USP36: variants seen among roughly 807,000 people sequenced by gnomAD.
USP36 encodes ubiquitin specific peptidase 36.
USP36 carries 59 observed loss-of-function variants against 111.5 expected under a neutral mutation model. That is an observed-to-expected ratio of 0.53 (90% CI 0.43 to 0.66). USP36 has a LOEUF of 0.66. Ranked by LOEUF, USP36 falls within the 30% of genes least tolerant of loss-of-function variation. The pLI is 0.00. For missense variants in USP36, 1,488 were observed against 1,468.0 expected, an observed-to-expected ratio of 1.01 and a Z score of -0.22; for synonymous variants, 628 against 581.0, an observed-to-expected ratio of 1.08 and a Z score of -1.16.
Position 78,806,173 on chromosome 17 carries a change from C to T in USP36, c.2199G>A (p.Trp733Ter). ...KTSHPVVAST[W>*]PVHRARAVSP... Reference sequence around the variant, plus strand: ...AAGCTTACCTGGCTCTATGGACGGGCCAAGTGGAGGCAACGACGGGGTGAG... The same window carrying T: ...AAGCTTACCTGGCTCTATGGACGGGTCAAGTGGAGGCAACGACGGGGTGAG... Residue 733 changes from tryptophan (W) to a stop codon, truncating the protein, a stop_gained, in exon 15 of 21, where the codon TGG becomes TGA. Coordinates refer to ENST00000449938, the MANE Select transcript of USP36 (RefSeq NM_001385174.1). LOFTEE classifies it high-confidence loss of function. 1 of 1,613,436 alleles carries T rather than the reference C, an allele frequency of 6.2e-7. No individual in the cohort carries two copies. The highest frequency in any genetic ancestry group is 8.5e-7 in the Non-Finnish European group (1 of 1,179,914).
At chr17:78,814,712 G>C (rs890100853) in intron 10 of USP36, among the ~76,000 whole-genome samples, 160 bp from the exon 11 acceptor site, 7 of 152,276 alleles carry the variant, frequency 4.6e-5, no homozygotes, top group African/African-American at 1.7e-4. Flanking sequence ...CAGCACTTTG[G>C]GAGGCTGAGG....
At chr17:78,823,054 T>A (rs909117570) in intron 6 of USP36, 12 of 398,228 alleles carry the variant, frequency 3.0e-5, no homozygotes, top group African/African-American at 2.5e-4. Flanking sequence ...CAGGCTACAC[T>A]TCCCCTCCCA....
At chr17:78,833,624 C>T (rs2068361242) in intron 4 of USP36, among the ~76,000 whole-genome samples, 1 of 152,200 alleles carries the variant, frequency 6.6e-6, no homozygotes, top group Non-Finnish European at 1.5e-5. Flanking sequence ...GAAGCAAACC[C>T]TACAGGCCAG....
intron 17 of USP36, 31 bp downstream of exon 17, chr17:78,802,293 T>C (rs1197627032): frequency 8.0e-7 from 1 of 1,256,192 alleles, no homozygotes; most frequent in Non-Finnish European, 1.0e-6. Context: ...TGCACACCCA[T>C]GCGGTTCCCA....
In USP36 at chr17:78,836,213, A is replaced by G. The variant is rs2068652616; in HGVS notation, c.151T>C (p.Tyr51His). ...TTGCTCTTTAAGGCCTCCAGCTGGTAGGAGAAGCTCTTGCTGGCTGGCTCG... is the reference window on the plus strand; with the variant it reads ...TTGCTCTTTAAGGCCTCCAGCTGGTGGGAGAAGCTCTTGCTGGCTGGCTCG... Reference protein sequence around the residue: ...EFEPASKSFSYQLEALKSKYV... With the variant: ...EFEPASKSFSHQLEALKSKYV... Residue 51 changes from tyrosine (Y) to histidine (H), a missense_variant, in exon 3 of 21, where the codon TAC becomes CAC. This residue lies in a region of USP36 where 219 missense variants were observed against 209.5 expected (regional missense o/e 1.05). Coordinates refer to ENST00000449938, the MANE Select transcript of USP36 (RefSeq NM_001385174.1). 1 of 1,614,142 alleles carries G rather than the reference A, an allele frequency of 6.2e-7. No individual in the cohort carries two copies. The highest frequency in any genetic ancestry group is 1.7e-5 in the Admixed American group (1 of 60,014).
At chr17:78,807,750 C>T in intron 13 of USP36, 114 bp from the exon 14 acceptor site, 2 of 1,055,548 alleles carry the variant, frequency 1.9e-6, no homozygotes, top group East Asian at 2.7e-5. Flanking sequence ...GATTAGCATG[C>T]TCAAGATAAA....
chr17:78,838,001 C>T (rs2068839008), intron 2 of USP36, among the ~76,000 whole-genome samples: 2 of 152,110 alleles, frequency 1.3e-5, no homozygotes. Flanking sequence ...GGGAGGATAA[C>T]TTGAGGGCAG....
intron 2 of USP36, among the ~76,000 whole-genome samples, chr17:78,837,361 G>A (rs1003353878): frequency 1.3e-5 from 2 of 151,950 alleles, no homozygotes; most frequent in African/African-American, 4.8e-5. Context: ...CAGGAGAGTG[G>A]GGAGATCACA....
chr17:78,833,194 C>T (rs1165078475), intron 4 of USP36, among the ~76,000 whole-genome samples: 1 of 152,178 alleles, frequency 6.6e-6, no homozygotes, highest in Non-Finnish European at 1.5e-5. Flanking sequence ...AACAACTATG[C>T]CTTGATAATT....
chr17:78,839,446 G>A (rs1337391732), intron 1 of USP36, among the ~76,000 whole-genome samples: 1 of 152,172 alleles, frequency 6.6e-6, no homozygotes, highest in Non-Finnish European at 1.5e-5. Flanking sequence ...CATCTACAAA[G>A]TGAAGACATC....
chr17:78,820,052 G>A (rs1196947315), intron 8 of USP36, 40 bp from the exon 9 acceptor site: 1 of 1,599,158 alleles, frequency 6.3e-7, no homozygotes, highest in East Asian at 2.2e-5. Context: ...ACACAGCAGA[G>A]GAAAAAGGCT....
chr17:78,808,104 C>T (rs1426374540), intron 13 of USP36, among the ~76,000 whole-genome samples: 1 of 152,244 alleles, frequency 6.6e-6, no homozygotes, highest in East Asian at 1.9e-4. Flanking sequence ...TAGCAAAGTT[C>T]CATCACCTAA....
chr17:78,802,814 T>C (rs1000420130), intron 16 of USP36, among the ~76,000 whole-genome samples: 3 of 152,228 alleles, frequency 2.0e-5, no homozygotes, highest in African/African-American at 7.2e-5. Flanking sequence ...CGGCAGATCC[T>C]GGCCTGGCCC....
chr17:78,833,891 G>T (rs2068391915), intron 4 of USP36, among the ~76,000 whole-genome samples: 2 of 152,160 alleles, frequency 1.3e-5, no homozygotes, highest in African/African-American at 4.8e-5. Context: ...AGCTGGGAAA[G>T]ATTCTCTCCT....
intron 4 of USP36, among the ~76,000 whole-genome samples, chr17:78,829,756 T>C (rs1297066690): frequency 6.6e-6 from 1 of 152,228 alleles, no homozygotes; most frequent in African/African-American, 2.4e-5. Context: ...TGGTCCTTTT[T>C]TTTTGAGACA....
chr17:78,833,795 T>C (rs1764115453), intron 4 of USP36, among the ~76,000 whole-genome samples: 1 of 151,920 alleles, frequency 6.6e-6, no homozygotes, highest in African/African-American at 2.4e-5. Context: ...TTTATATCTA[T>C]GTTCGTGAAG....
chr17:78,793,634 T>C (rs12936955), downstream of USP36, among the ~76,000 whole-genome samples: 9,500 of 152,196 alleles, frequency 0.062, 570 homozygotes, highest in South Asian at 0.15. Flanking sequence ...CAGTCCTCCT[T>C]TACCACCACG....
chr17:78,798,199 G>C lies in USP36; in HGVS notation c.*20+201C>G. 1.7e-6 allele frequency: 1 copy of C among 588,610 alleles called. No homozygotes were observed. The highest frequency in any genetic ancestry group is 2.9e-6 in the Non-Finnish European group (1 of 347,508). The allele number at this position is 588,610 out of a possible 1,614,324, so 36.5% of individuals were successfully genotyped here. ...CCCACACACACCCCCTTATACACAC[G>C]CATCCCACACACACCCTTCTCCAAG... On this transcript the variant is annotated intron_variant, in intron 20 of 20. Transcript: ENST00000449938. This position sits in a 1 kb window ranked among gnomAD's most constrained non-coding sequence, Gnocchi z 5.1.
chr17:78,820,474 T>TA lies in USP36; in HGVS notation c.829-463dup, dbSNP rs886269854. On this transcript the variant is annotated intron_variant, in intron 8 of 20. Coordinates refer to ENST00000449938, the MANE Select transcript of USP36 (RefSeq NM_001385174.1). ...CAAGACCCTGTCCCTCAAGCCCCTA[T>TA]AAAAAAAAAGCAAAGCAAAGAAATG... Among the ~76,000 whole-genome samples, 143 of 150,860 alleles carry TA rather than the reference T, an allele frequency of 9.5e-4. 1 individual carries two copies. The highest frequency in any genetic ancestry group is 2.9e-3 in the African/African-American group (119 of 41,124).
Sources: gnomAD v4.1 joint callset for allele counts (sites outside exome capture counted in the v4.1 genomes callset) on GRCh38, gnomAD v4.1.1 for gene constraint, gnomAD v4.1.1 regional missense constraint, Gnocchi (gnomAD v3.1) non-coding constraint, MANE v1.5 for transcripts, NCBI Gene and HGNC (gene_info 2026-07-23, HGNC 2026-07-21) for gene names.